Variants in MFF observed in about 807,000 individuals in gnomAD.
MFF encodes the protein chromosome 2 open reading frame 33.
Under a neutral mutation model 36.9 loss-of-function variants are expected in MFF, and 12 were observed. That is an observed-to-expected ratio of 0.33 (90% CI 0.21 to 0.53). The LOEUF (loss-of-function observed/expected upper bound fraction) is 0.53, where lower values mean the gene tolerates loss of function less well. Among genes scored for constraint, MFF ranks in the 20% least tolerant of loss-of-function variants. The pLI is 0.95. For synonymous variants in MFF, 99 were observed against 126.2 expected (o/e 0.78, Z 1.44); for missense variants, 348 against 366.6 (o/e 0.95, Z 0.42).
chr2:227,355,898 G>A (rs1205244168), intron 8 of MFF, 137 bp downstream of exon 8: 4 of 570,870 alleles, frequency 7.0e-6, no homozygotes, highest in Non-Finnish European at 1.3e-5. Context: ...TTCTCATTTT[G>A]ATTAAAGATA....
intron 4 of MFF, among the ~76,000 whole-genome samples, chr2:227,334,260 A>G (rs2074819433): frequency 1.3e-5 from 2 of 152,206 alleles, no homozygotes; most frequent in South Asian, 2.1e-4. Context: ...TTGTTAGGAG[A>G]GACTTAAAAT....
chr2:227,356,212 G>A (rs78861519), intron 8 of MFF, among the ~76,000 whole-genome samples: 391 of 152,258 alleles, frequency 2.6e-3, no homozygotes, highest in African/African-American at 9.1e-3. Flanking sequence ...TACTCCCACA[G>A]CCTCGAGTAT....
At chr2:227,326,147 AAGT>A (rs2106322537) in intron 1 of MFF, among the ~76,000 whole-genome samples, 1 of 152,044 alleles carries the variant, frequency 6.6e-6, no homozygotes, top group East Asian at 1.9e-4. Flanking sequence ...ACCTCCCACA[AAGT>A]TAGAAGCAAA....
At chr2:227,354,550 T>A (rs1445277960) in intron 7 of MFF, among the ~76,000 whole-genome samples, 1 of 152,240 alleles carries the variant, frequency 6.6e-6, no homozygotes, top group Non-Finnish European at 1.5e-5. Context: ...TCAATGAAGC[T>A]ATTAATTAAA....
intron 5 of MFF, among the ~76,000 whole-genome samples, chr2:227,344,975 T>C (rs1202035259): frequency 1.3e-5 from 2 of 152,214 alleles, no homozygotes; most frequent in African/African-American, 4.8e-5. Context: ...CTGAGGATCA[T>C]GTAAGGTTTT....
rs764251954 is a variant in MFF at position 227,330,616 on chromosome 2, T to C, written c.-40-10T>C. On this transcript the variant is annotated splice_polypyrimidine_tract_variant and intron_variant, in intron 2 of 8. Transcript: ENST00000304593. ...ACAGTCAGCCCTGTCTTTAAATTTT[T>C]CTCCCACAGGGTGAGCAGGGCAGCA... 1.4e-6 allele frequency: 2 copies of C among 1,415,956 alleles called. No individual in the cohort carries two copies. Among genetic ancestry groups the C allele is most frequent in the Non-Finnish European group, 1.9e-6 (2 of 1,058,876 alleles). The allele number at this position is 1,415,956 out of a possible 1,614,324, so 87.7% of individuals were successfully genotyped here. A position where few individuals can be genotyped will look rare whatever the true frequency, so the allele number is the denominator to read the frequency against.
intron 4 of MFF, among the ~76,000 whole-genome samples, chr2:227,338,373 A>AG (rs200689751): frequency 0.068 from 10,234 of 150,730 alleles, 963 homozygotes; most frequent in African/African-American, 0.2. Context: ...CTGTCTCAAA[A>AG]AAAAAAAAAA....
At chr2:227,327,199 G>T (rs753233026) in intron 1 of MFF, among the ~76,000 whole-genome samples, 5 of 151,928 alleles carry the variant, frequency 3.3e-5, no homozygotes, top group Non-Finnish European at 5.9e-5. Flanking sequence ...CCATGAAGTT[G>T]GCAAGTTAGT....
intron 6 of MFF, 78 bp from the exon 7 acceptor site, chr2:227,352,436 C>T: frequency 3.0e-6 from 3 of 994,194 alleles, no homozygotes; most frequent in Non-Finnish European, 4.6e-6. Flanking sequence ...ATTTATTTGT[C>T]TTGTTTTTGC....
At chr2:227,330,481 T>G in intron 2 of MFF, 145 bp from the exon 3 acceptor site, 1 of 596,762 alleles carries the variant, frequency 1.7e-6, no homozygotes, top group Non-Finnish European at 3.0e-6. Flanking sequence ...TCTTTCATCT[T>G]TTATTTTTGC....
chr2:227,349,069 A>C (rs555300618), intron 6 of MFF, among the ~76,000 whole-genome samples: 1 of 152,290 alleles, frequency 6.6e-6, no homozygotes, highest in South Asian at 2.1e-4. Flanking sequence ...ATCAAATGCT[A>C]TTACATTTAA....
chr2:227,352,364 T>C lies in MFF; in HGVS notation c.600-150T>C, dbSNP rs544173400. 2,053 of 589,066 alleles carry C rather than the reference T, an allele frequency of 3.5e-3. 12 individuals carry two copies. The highest frequency in any genetic ancestry group is 3.9e-3 in the Non-Finnish European group (1,287 of 330,470). The allele number at this position is 589,066 out of a possible 1,614,324, so 36.5% of individuals were successfully genotyped here. On this transcript the variant is annotated intron_variant, in intron 6 of 8. Coordinates refer to ENST00000304593, the MANE Select transcript of MFF (RefSeq NM_001277062.2). Reference sequence around the variant, plus strand: ...AAATGGAGGACACATGAGACAAGGATTTTTTAAAGTAGTTGAGAGATATTA... The same window carrying C: ...AAATGGAGGACACATGAGACAAGGACTTTTTAAAGTAGTTGAGAGATATTA...
intron 1 of MFF, among the ~76,000 whole-genome samples, chr2:227,328,010 A>G (rs545853418): frequency 4.6e-5 from 7 of 152,346 alleles, no homozygotes; most frequent in Admixed American, 3.3e-4. Flanking sequence ...TTTTCTCTGT[A>G]TAGCTTGCGT....
At chr2:227,343,077 C>T (rs192486184) in intron 5 of MFF, among the ~76,000 whole-genome samples, 158 of 151,820 alleles carry the variant, frequency 1.0e-3, no homozygotes, top group African/African-American at 3.7e-3. Flanking sequence ...ATAATATGCA[C>T]ATAAGGACCA....
chr2:227,355,524 CA>C (rs1351319559), intron 7 of MFF, 152 bp from the exon 8 acceptor site: 6 of 423,904 alleles, frequency 1.4e-5, no homozygotes, highest in Non-Finnish European at 2.6e-5. Flanking sequence ...TTTATTAGTA[CA>C]AATTCAGGTA....
intron 1 of MFF, among the ~76,000 whole-genome samples, chr2:227,327,045 T>C (rs997140880): frequency 3.3e-5 from 5 of 152,342 alleles, no homozygotes; most frequent in Admixed American, 1.3e-4. Flanking sequence ...TTTTGCAATC[T>C]GTATTTATAT....
At chr2:227,352,320 T>G in intron 6 of MFF, 194 bp from the exon 7 acceptor site, 1 of 523,598 alleles carries the variant, frequency 1.9e-6, no homozygotes. Flanking sequence ...ATAGTAATGT[T>G]GAGTTTATGA....
chr2:227,342,538 A>G (rs1320149712), intron 5 of MFF, among the ~76,000 whole-genome samples: 1 of 152,250 alleles, frequency 6.6e-6, no homozygotes, highest in East Asian at 1.9e-4. Flanking sequence ...TCTCCACTTT[A>G]TTTTATTCCA....
At chr2:227,335,361 C>G (rs1315844340) in intron 4 of MFF, among the ~76,000 whole-genome samples, 1 of 151,980 alleles carries the variant, frequency 6.6e-6, no homozygotes, top group African/African-American at 2.4e-5. Context: ...GGAGAGGGGA[C>G]TTGAGAGTGA....
Sources: gnomAD v4.1 joint callset for allele counts (sites outside exome capture counted in the v4.1 genomes callset) on GRCh38, gnomAD v4.1.1 for gene constraint, MANE v1.5 for transcripts, NCBI Gene and HGNC (gene_info 2026-07-23, HGNC 2026-07-21) for gene names.